ANKS1B: variants seen among roughly 807,000 people sequenced by gnomAD.
ANKS1B encodes ankyrin repeat and sterile alpha motif domain-containing protein 1B.
ANKS1B carries 36 observed loss-of-function variants against 148.3 expected under a neutral mutation model. That is an observed-to-expected ratio of 0.24 (90% confidence interval 0.19 to 0.32). The LOEUF is 0.32. Ranked by LOEUF, ANKS1B falls within the 10% of genes least tolerant of loss-of-function variation. The pLI is 1.00. For synonymous variants in ANKS1B, 542 were observed against 560.8 expected, an observed-to-expected ratio of 0.97 and a Z score of 0.47; for missense variants, 1,157 against 1,542.6, an observed-to-expected ratio of 0.75 and a Z score of 4.19.
At chr12:98,794,640 C>G (rs73149056) in intron 22 of ANKS1B, 236,019 of 839,708 alleles carry the variant, frequency 0.28, 36,768 homozygotes, top group Middle Eastern at 0.34. Flanking sequence ...GTTAGGTGGA[C>G]CAAAGCATTC....
At chr12:99,615,565 A>C (rs1343221912) in intron 9 of ANKS1B, among the ~76,000 whole-genome samples, 1 of 152,184 alleles carries the variant, frequency 6.6e-6, no homozygotes, top group East Asian at 1.9e-4. Context: ...CAATAGATGC[A>C]GAAAAGGACT....
intron 17 of ANKS1B, among the ~76,000 whole-genome samples, chr12:98,925,805 T>G (rs1271534544): frequency 6.6e-6 from 1 of 152,170 alleles, no homozygotes; most frequent in East Asian, 1.9e-4. Flanking sequence ...GAAAGTTCCT[T>G]AAGAAAGCTC....
rs868164750 is a variant in ANKS1B, at chr12:98,895,394, C to T, written c.2779-63258G>A. 960 of 848,498 alleles carry T rather than the reference C, an allele frequency of 1.1e-3. 16 individuals carry two copies. In the African/African-American group the frequency reaches 0.017, roughly 15 times the overall value. 52.6% of individuals were successfully genotyped at this position (848,498 alleles called of 1,614,324 possible). A position where few individuals can be genotyped will look rare whatever the true frequency, so the allele number is the denominator to read the frequency against. On this transcript the variant is annotated intron_variant, in intron 17 of 26. Transcript: ENST00000683438. ...GGTGCCCAGGTGACCGGCTCGGCAG[C>T]GGCAGAGCAGTGGCAGCAGCCGCCA...
intron 17 of ANKS1B, among the ~76,000 whole-genome samples, chr12:98,992,619 G>C (rs555191233): frequency 5.3e-5 from 8 of 152,280 alleles, no homozygotes; most frequent in African/African-American, 1.9e-4. Flanking sequence ...AGAACTGTGA[G>C]TCAATTAAAC....
At chr12:99,364,619 T>C (rs2092670320) in intron 12 of ANKS1B, among the ~76,000 whole-genome samples, 1 of 152,228 alleles carries the variant, frequency 6.6e-6, no homozygotes, top group South Asian at 2.1e-4. Context: ...GTGACTCTCT[T>C]GAAGGTTGTT....
intron 12 of ANKS1B, among the ~76,000 whole-genome samples, chr12:99,354,185 T>TTA (rs1330908407): frequency 6.6e-6 from 1 of 151,992 alleles, no homozygotes. Flanking sequence ...AGATCTTTAG[T>TTA]TATATATCAC....
At chr12:99,478,823 G>C (rs904905219) in intron 10 of ANKS1B, among the ~76,000 whole-genome samples, 3 of 152,060 alleles carry the variant, frequency 2.0e-5, no homozygotes, top group African/African-American at 7.2e-5. Flanking sequence ...AATCATGCTA[G>C]AGGAAAGACC....
At chr12:98,856,299 CCTT>C (rs1452476543) in intron 17 of ANKS1B, among the ~76,000 whole-genome samples, 2 of 152,038 alleles carry the variant, frequency 1.3e-5, no homozygotes, top group Non-Finnish European at 2.9e-5. Flanking sequence ...AACCCATTCT[CCTT>C]ATTTTTGAAC....
At chr12:99,929,930 A>G (rs369736867) in intron 1 of ANKS1B, among the ~76,000 whole-genome samples, 42 of 151,926 alleles carry the variant, frequency 2.8e-4, no homozygotes, top group African/African-American at 9.9e-4. Context: ...GTCAGGTAGC[A>G]TGATGCCTCC....
intron 12 of ANKS1B, among the ~76,000 whole-genome samples, chr12:99,348,611 C>G (rs1441689633): frequency 6.6e-6 from 1 of 151,782 alleles, no homozygotes; most frequent in East Asian, 1.9e-4. Flanking sequence ...CTTATTTAAA[C>G]TATAGAAGAC....
At chr12:98,915,095 C>A (rs968555208) in intron 17 of ANKS1B, among the ~76,000 whole-genome samples, 3 of 151,054 alleles carry the variant, frequency 2.0e-5, no homozygotes, top group African/African-American at 7.3e-5. Context: ...GTCCCAGTGA[C>A]CTTATTTGGG....
At chr12:99,767,623 A>T (rs116945474) in intron 8 of ANKS1B, among the ~76,000 whole-genome samples, 1 of 152,072 alleles carries the variant, frequency 6.6e-6, no homozygotes, top group Non-Finnish European at 1.5e-5. Flanking sequence ...GAAAACCTAA[A>T]TTTCATGAGT....
chr12:99,863,787 C>G (rs1204043010), intron 1 of ANKS1B, among the ~76,000 whole-genome samples: 2 of 151,340 alleles, frequency 1.3e-5, no homozygotes, highest in African/African-American at 2.4e-5. Context: ...AGTCGATCCC[C>G]TTGGCCAAGC....
At chr12:99,160,131 G>T (rs917014618) in intron 14 of ANKS1B, among the ~76,000 whole-genome samples, 14 of 152,112 alleles carry the variant, frequency 9.2e-5, no homozygotes, top group Non-Finnish European at 2.1e-4. Context: ...TTAGATGTTT[G>T]TTGGAAGCAT....
At chr12:99,905,409 G>A (rs531377710) in intron 1 of ANKS1B, among the ~76,000 whole-genome samples, 1 of 152,268 alleles carries the variant, frequency 6.6e-6, no homozygotes, top group East Asian at 1.9e-4. Context: ...CTAGGTCTGT[G>A]GGCACAGGGA....
intron 17 of ANKS1B, among the ~76,000 whole-genome samples, chr12:98,836,659 C>A (rs2099365159): frequency 6.6e-6 from 1 of 152,108 alleles, no homozygotes; most frequent in Admixed American, 6.6e-5. Context: ...GGGTGATAAC[C>A]AGTGTGAAAA....
chr12:99,345,914 C>T (rs1277146710), intron 12 of ANKS1B, among the ~76,000 whole-genome samples: 1 of 151,966 alleles, frequency 6.6e-6, no homozygotes, highest in African/African-American at 2.4e-5. Context: ...TTCATGCTTG[C>T]TTTTAAATTA....
At chr12:98,867,880 A>G (rs2099633356) in intron 17 of ANKS1B, among the ~76,000 whole-genome samples, 1 of 151,950 alleles carries the variant, frequency 6.6e-6, no homozygotes, top group South Asian at 2.1e-4. Flanking sequence ...AAAAAAGAAT[A>G]TAAGTCAGTT....
intron 3 of ANKS1B, among the ~76,000 whole-genome samples, chr12:99,808,049 A>G (rs958551769): frequency 1.3e-5 from 2 of 152,132 alleles, no homozygotes; most frequent in Admixed American, 6.6e-5. Context: ...TCCAAAACCC[A>G]TGCTCTTTCC....
Sources: allele counts gnomAD v4.1 joint callset (sites outside exome capture counted in the v4.1 genomes callset), GRCh38; gene constraint gnomAD v4.1.1; transcripts MANE v1.5; gene names NCBI Gene and HGNC (gene_info 2026-07-23, HGNC 2026-07-21).